PRAMEF4: variants seen among roughly 807,000 people sequenced by gnomAD.
PRAMEF4 encodes the protein PRAME family member 4.
Under a neutral mutation model 34.4 loss-of-function variants are expected in PRAMEF4, and 18 were observed. That is an observed-to-expected ratio of 0.52 (90% CI 0.36 to 0.78). The LOEUF is 0.78. Among genes scored for constraint, PRAMEF4 ranks in the 30% least tolerant of loss-of-function variants. The pLI is 0.00. For synonymous variants in PRAMEF4, 156 were observed against 219.3 expected, an observed-to-expected ratio of 0.71 and a Z score of 2.55; for missense variants, 482 against 569.1, an observed-to-expected ratio of 0.85 and a Z score of 1.56.
chr1:12,883,538 C>T (rs1310828812), intron 1 of PRAMEF4, 128 bp from the exon 2 acceptor site: 2 of 1,269,586 alleles, frequency 1.6e-6, no homozygotes, highest in East Asian at 2.4e-5. Context: ...TCCAATTCTA[C>T]TCTGTACTCA....
At position 12,883,186 on chromosome 1, in the gene PRAMEF4, G is replaced by A. The variant is rs569655708; in HGVS notation, c.209C>T (p.Pro70Leu). 1.9e-5 allele frequency: 31 copies of A among 1,600,138 alleles called. 2 individuals carry two copies. Among genetic ancestry groups the A allele is most frequent in the South Asian group, 1.2e-4 (11 of 90,118 alleles). ...SWPFRRLPLR[P>L]LIKMPCLEAF... is the part of the protein sequence containing the mutation. ...CTCCAGACAAGGCATCTTTATCAGAGGCCTCAGAGGGAGGCGGCGGAAGGG... is the reference window on the plus strand; with the variant it reads ...CTCCAGACAAGGCATCTTTATCAGAAGCCTCAGAGGGAGGCGGCGGAAGGG... The change falls in exon 2 of 4, where the codon CCT (proline) becomes CTT (leucine). Residue 70 changes from proline to leucine, a missense_variant. Physicochemically the swap from Pro to Leu is moderately conservative, Grantham distance 98. Around this residue, in one of 6 missense-constraint regions of PRAMEF4, gnomAD observed 172 missense variants for 130.2 expected, o/e 1.32. Coordinates refer to ENST00000235349, the MANE Select transcript of PRAMEF4 (RefSeq NM_001009611.4).
At chr1:12,882,625 G>T (rs2982074) in intron 2 of PRAMEF4, among the ~76,000 whole-genome samples, 190 bp from the exon 3 acceptor site, 14,181 of 144,018 alleles carry the variant, frequency 0.098, 994 homozygotes, top group Non-Finnish European at 0.11. Flanking sequence ...AAGTCTCCCT[G>T]TGTCGCCCAG....
At position 12,881,283 on chromosome 1, in the gene PRAMEF4, A is replaced by T. The variant is rs367862811; in HGVS notation, c.875+571T>A. On this transcript the variant is annotated intron_variant, in intron 3 of 3. Transcript: ENST00000235349. ...CAGGAGGCTGAGGCAGGAGAATCGC[A>T]TGAACCTGGGAGGCAGAAGTTGCTG... is the stretch of plus-strand genomic sequence containing the variant. Among the ~76,000 whole-genome samples the T allele has an allele frequency of 1.9e-4, 28 of 148,530 alleles. 1 individual carries two copies. The highest frequency in any genetic ancestry group is 6.9e-3 in the Middle Eastern group (2 of 290).
Position 12,879,754 on chromosome 1 carries a change from G to C in PRAMEF4, c.1227C>G (p.Asn409Lys), listed in dbSNP as rs548808066. 28 of 1,603,058 alleles carry C rather than the reference G, an allele frequency of 1.7e-5. 1 individual carries two copies. The East Asian group carries it at 6.0e-4, about 35-fold the overall frequency. Residue 409 changes from asparagine to lysine, a missense_variant, in exon 4 of 4, where the codon AAC becomes AAG. Coordinates refer to ENST00000235349, the MANE Select transcript of PRAMEF4 (RefSeq NM_001009611.4). ...NLLSHTIILK[N>K]LCVELYPAPR... ...GGGCAGGATACAGCTCCACGCATAA[G>C]TTTTTGAGTATGATTGTGTGGCTCA...
intron 1 of PRAMEF4, among the ~76,000 whole-genome samples, chr1:12,883,835 G>A (rs1640942257): frequency 6.8e-6 from 1 of 146,036 alleles, no homozygotes; most frequent in Non-Finnish European, 1.5e-5. Context: ...CCTAGAACAG[G>A]TTCTATTTGT....
At chr1:12,885,611 C>T (rs1480330500) in intron 1 of PRAMEF4, among the ~76,000 whole-genome samples, 2 of 146,224 alleles carry the variant, frequency 1.4e-5, no homozygotes, top group Non-Finnish European at 3.0e-5. Context: ...TGAAACCCCA[C>T]CTCTACTAAA....
At chr1:12,883,778 T>C (rs201506168) in intron 1 of PRAMEF4, among the ~76,000 whole-genome samples, 3 of 147,582 alleles carry the variant, frequency 2.0e-5, no homozygotes, top group Non-Finnish European at 4.5e-5. Flanking sequence ...CATGCCCACA[T>C]TTTCAGTTCC....
rs3927874 is a variant in PRAMEF4 at position 12,882,298 on chromosome 1, T to C, written c.431A>G (p.Lys144Arg). The C allele has an allele frequency of 0.68, 892,260 of 1,310,776 alleles. 388,723 individuals carry two copies. Among genetic ancestry groups the C allele is most frequent in the African/African-American group, 0.92 (52,756 of 57,154 alleles). 81.2% of individuals were successfully genotyped at this position (1,310,776 alleles called of 1,614,324 possible). A position where few individuals can be genotyped will look rare whatever the true frequency, so the allele number is the denominator to read the frequency against. ...KKPVEDCPRM[K>R]GRQPLTVFVE... Reference sequence around the variant, plus strand: ...GAACACAGTCAAGGGCTGCCGTCCTTTCATCCTTGGACAGTCCTCCACTGG... The same window carrying C: ...GAACACAGTCAAGGGCTGCCGTCCTCTCATCCTTGGACAGTCCTCCACTGG... The change falls in exon 3 of 4, where the codon AAA becomes AGA. Residue 144 changes from lysine to arginine, a missense_variant. By Grantham distance (26) the Lys-to-Arg change is conservative. This residue lies in a region of PRAMEF4 where 72 missense variants were observed against 128.9 expected (regional missense o/e 0.56). Transcript: ENST00000235349.
rs892770241 is a variant in PRAMEF4 at position 12,886,155 on chromosome 1, G to C, written c.-25C>G. On this transcript the variant is annotated 5_prime_UTR_variant, in exon 1 of 4. In the 5' UTR this introduces an upstream ATG that the reference lacks. Coordinates refer to ENST00000235349, the MANE Select transcript of PRAMEF4 (RefSeq NM_001009611.4). ...AGAAATTAGTGACTTACCAGATCTG[G>C]ATGTAGTCTAGAAGGTTCTCAGATC... is the stretch of plus-strand genomic sequence containing the variant. 6 of 141,676 alleles carry C rather than the reference G, an allele frequency of 4.2e-5. No individual in the cohort carries two copies. Among genetic ancestry groups the C allele is most frequent in the Non-Finnish European group, 9.2e-5 (6 of 65,552 alleles). The allele number at this position is 141,676 out of a possible 1,614,324, so 8.8% of individuals were successfully genotyped here.
At chr1:12,885,928 G>T (rs1640994247) in intron 1 of PRAMEF4, among the ~76,000 whole-genome samples, 1 of 86,390 alleles carries the variant, frequency 1.2e-5, no homozygotes, top group Admixed American at 1.3e-4. Context: ...CTCCCTTCAA[G>T]AATTTTAAAA....
Position 12,879,655 on chromosome 1 carries a change from G to T in PRAMEF4, c.1326C>A (p.Asn442Lys). Residue 442 changes from asparagine to lysine, a missense_variant, in exon 4 of 4, where the codon AAC (asparagine) becomes AAA (lysine). By Grantham distance (94) the Asn-to-Lys change is moderately conservative. Coordinates refer to ENST00000235349, the MANE Select transcript of PRAMEF4 (RefSeq NM_001009611.4). The part of the protein sequence containing the change: ...RFAQIRAELM[N>K]RVRDLRHPKR... Reference sequence around the variant, plus strand: ...TGGGGTGCCTTAAGTCCCTCACTCTGTTCATCAGCTCAGCCCTAATTTGAG... The same window carrying T: ...TGGGGTGCCTTAAGTCCCTCACTCTTTTCATCAGCTCAGCCCTAATTTGAG... 6.3e-7 allele frequency: 1 copy of T among 1,592,094 alleles called. No individual in the cohort carries two copies. Among genetic ancestry groups the T allele is most frequent in the Non-Finnish European group, 8.6e-7 (1 of 1,168,510 alleles).
In PRAMEF4 at chr1:12,881,241, C is replaced by T. The variant is rs956758233; in HGVS notation, c.875+613G>A. Among the ~76,000 whole-genome samples, 15 of 147,976 alleles carry T rather than the reference C, an allele frequency of 1.0e-4. 1 individual carries two copies. Among genetic ancestry groups the T allele is most frequent in the Non-Finnish European group, 1.9e-4 (13 of 67,340 alleles). ...ATTAGCCAGGTGTGGTGGCTCACGC[C>T]TGTAATCCCAGGCACTCAGGAGGCT... On this transcript the variant is annotated intron_variant, in intron 3 of 3. Coordinates refer to ENST00000235349, the MANE Select transcript of PRAMEF4 (RefSeq NM_001009611.4).
At position 12,882,860 on chromosome 1, in the gene PRAMEF4, C is replaced by T. The variant is rs571211146; in HGVS notation, c.293+242G>A. Reference sequence around the variant, plus strand: ...GTGCTGGGAATACATTGTGAGCCACCGTGCCCGGCCCAGTTCTCACTTTTC... The same window carrying T: ...GTGCTGGGAATACATTGTGAGCCACTGTGCCCGGCCCAGTTCTCACTTTTC... On this transcript the variant is annotated intron_variant, in intron 2 of 3. Transcript: ENST00000235349. 3.5e-4 allele frequency among the ~76,000 whole-genome samples: 52 copies of T among 147,526 alleles called. 4 individuals are homozygous for T. In the South Asian group the frequency reaches 9.3e-3, roughly 26 times the overall value.
At position 12,879,750 on chromosome 1, in the gene PRAMEF4, A is replaced by T. The variant is rs760514685; in HGVS notation, c.1231T>A (p.Cys411Ser). The change falls in exon 4 of 4, where the codon TGC becomes AGC. Residue 411 changes from cysteine (C) to serine (S), a missense_variant. Physicochemically the swap from Cys to Ser is moderately radical, Grantham distance 112. This residue lies in a region of PRAMEF4 where 116 missense variants were observed against 105.2 expected (regional missense o/e 1.10). Transcript: ENST00000235349. The stretch of plus-strand genomic sequence containing the variant: ...CGGGGGGCAGGATACAGCTCCACGC[A>T]TAAGTTTTTGAGTATGATTGTGTGG... ...LSHTIILKNL[C>S]VELYPAPRES... 7 of 1,603,114 alleles carry T rather than the reference A, an allele frequency of 4.4e-6. 1 individual carries two copies. Among genetic ancestry groups the T allele is most frequent in the Non-Finnish European group, 6.0e-6 (7 of 1,175,542 alleles).
rs1370155069 is a variant in PRAMEF4 at position 12,883,592 on chromosome 1, G to A, written c.-16-182C>T. On this transcript the variant is annotated intron_variant, in intron 1 of 3. Coordinates refer to ENST00000235349, the MANE Select transcript of PRAMEF4 (RefSeq NM_001009611.4). ...TTCTGCCTCTGCTGCATCAGCATGAGCGTCTCCGAAGCAGTGAGGAAGCAG... is the reference window on the plus strand; with the variant it reads ...TTCTGCCTCTGCTGCATCAGCATGAACGTCTCCGAAGCAGTGAGGAAGCAG... Among the ~76,000 whole-genome samples the A allele has an allele frequency of 3.4e-5, 5 of 148,960 alleles. No individual in the cohort carries two copies. In the East Asian group the frequency reaches 9.9e-4, roughly 30 times the overall value.
At chr1:12,880,728 A>T (rs1640872289) in intron 3 of PRAMEF4, among the ~76,000 whole-genome samples, 1 of 147,634 alleles carries the variant, frequency 6.8e-6, no homozygotes, top group African/African-American at 2.5e-5. Flanking sequence ...AGCCCAGTGG[A>T]GATTCAGGCA....
Position 12,881,987 on chromosome 1 carries a change from G to T in PRAMEF4, c.742C>A (p.Arg248Ser). Residue 248 changes from arginine to serine, a missense_variant, in exon 3 of 4, where the codon CGC (arginine) becomes AGC (serine). Transcript: ENST00000235349. ...KLILSHMDVS[R>S]YVSPEQKKEI... is the part of the protein sequence containing the mutation. Reference sequence around the variant, plus strand: ...TTCTTCTGCTCTGGGGAAACGTAGCGAGAGACATCCATGTGGGAGAGAATG... The same window carrying T: ...TTCTTCTGCTCTGGGGAAACGTAGCTAGAGACATCCATGTGGGAGAGAATG... The T allele has an allele frequency of 6.3e-7, 1 of 1,588,764 alleles. No homozygotes were observed. The highest frequency in any genetic ancestry group is 1.1e-5 in the South Asian group (1 of 90,184).
At chr1:12,885,611 C>A (rs1480330500) in intron 1 of PRAMEF4, among the ~76,000 whole-genome samples, 1 of 146,224 alleles carries the variant, frequency 6.8e-6, no homozygotes, top group Non-Finnish European at 1.5e-5. Flanking sequence ...TGAAACCCCA[C>A]CTCTACTAAA....
chr1:12,884,756 C>T (rs2995621), intron 1 of PRAMEF4, among the ~76,000 whole-genome samples: 47 of 149,228 alleles, frequency 3.1e-4, no homozygotes, highest in African/African-American at 1.1e-3. Flanking sequence ...TTAATCTCTA[C>T]CCAGTTAATC....
Sources: allele counts gnomAD v4.1 joint callset (sites outside exome capture counted in the v4.1 genomes callset), GRCh38; gene constraint gnomAD v4.1.1; regional missense constraint gnomAD v4.1.1; transcripts MANE v1.5; gene names NCBI Gene and HGNC (gene_info 2026-07-23, HGNC 2026-07-21).